NRXN3: variants seen among roughly 807,000 people sequenced by gnomAD.
The protein encoded by NRXN3 is neurexin 3, also known as neurexin III.
NRXN3 carries 32 observed loss-of-function variants against 137.6 expected under a neutral mutation model. The ratio of observed to expected loss-of-function variants is 0.23; its 90% CI spans 0.18 to 0.31. The LOEUF (loss-of-function observed/expected upper bound fraction) is 0.31, where lower values mean the gene tolerates loss of function less well. NRXN3 is among the 10% of genes least tolerant of loss of function. NRXN3 has a pLI of 1.00. For missense variants in NRXN3, 1,574 were observed against 2,062.5 expected, an observed-to-expected ratio of 0.76 and a Z score of 4.59; for synonymous variants, 798 against 784.5, an observed-to-expected ratio of 1.02 and a Z score of -0.29.
intron 14 of NRXN3, among the ~76,000 whole-genome samples, chr14:78,984,721 T>C (rs1233392761): frequency 6.6e-6 from 1 of 152,190 alleles, no homozygotes; most frequent in Non-Finnish European, 1.5e-5. Flanking sequence ...AGCCTTAAAG[T>C]GTTTTTCTCA....
chr14:79,415,474 A>C (rs563173399), intron 15 of NRXN3, among the ~76,000 whole-genome samples: 68 of 152,292 alleles, frequency 4.5e-4, no homozygotes, highest in African/African-American at 1.6e-3. Flanking sequence ...GGTTTTATGC[A>C]AATCTGATGT....
intron 4 of NRXN3, among the ~76,000 whole-genome samples, chr14:78,461,720 G>T (rs2094927189): frequency 6.6e-6 from 1 of 152,070 alleles, no homozygotes; most frequent in Admixed American, 6.5e-5. Context: ...GTGCAGGGTG[G>T]GTTCAAGGCT....
intron 16 of NRXN3, among the ~76,000 whole-genome samples, chr14:79,540,750 C>T (rs2097264424): frequency 6.6e-6 from 1 of 152,118 alleles, no homozygotes; most frequent in African/African-American, 2.4e-5. Flanking sequence ...GACTTTTGAA[C>T]TGAGTTTTAA....
At chr14:78,994,007 C>G (rs1221164036) in intron 15 of NRXN3, among the ~76,000 whole-genome samples, 2 of 151,590 alleles carry the variant, frequency 1.3e-5, no homozygotes, top group Non-Finnish European at 2.9e-5. Flanking sequence ...GTGCCACACA[C>G]CACGTCCAGC....
At chr14:79,025,767 A>G (rs930320019) in intron 15 of NRXN3, among the ~76,000 whole-genome samples, 5 of 152,214 alleles carry the variant, frequency 3.3e-5, no homozygotes, top group African/African-American at 1.2e-4. Context: ...CAGAAAACAC[A>G]ACAAATGTTG....
intron 8 of NRXN3, among the ~76,000 whole-genome samples, chr14:78,737,361 G>A (rs975252034): frequency 3.9e-5 from 6 of 152,080 alleles, no homozygotes; most frequent in Non-Finnish European, 8.8e-5. Context: ...TAGGAAATCC[G>A]GATAGAGTTG....
At chr14:79,389,071 A>G (rs2094749303) in intron 15 of NRXN3, among the ~76,000 whole-genome samples, 1 of 152,190 alleles carries the variant, frequency 6.6e-6, no homozygotes, top group African/African-American at 2.4e-5. Context: ...AGTCTCAGGT[A>G]TGTCTTTATT....
intron 10 of NRXN3, among the ~76,000 whole-genome samples, chr14:78,880,407 A>G (rs2099125720): frequency 6.6e-6 from 1 of 152,152 alleles, no homozygotes; most frequent in Non-Finnish European, 1.5e-5. Context: ...ACAAAGAGCC[A>G]GAGATGTGGC....
At chr14:79,667,259 A>T (rs1353600079) in intron 17 of NRXN3, among the ~76,000 whole-genome samples, 3 of 152,114 alleles carry the variant, frequency 2.0e-5, no homozygotes, top group East Asian at 1.9e-4. Flanking sequence ...CAATAACAGT[A>T]GGTTTAGAAA....
At chr14:78,938,678 A>C (rs1379123026) in intron 10 of NRXN3, among the ~76,000 whole-genome samples, 2 of 151,826 alleles carry the variant, frequency 1.3e-5, no homozygotes, top group African/African-American at 4.8e-5. Flanking sequence ...GTTCTTTAGG[A>C]CATTTTCTCT....
intron 1 of NRXN3, among the ~76,000 whole-genome samples, chr14:78,239,444 T>C (rs2153450005): frequency 6.6e-6 from 1 of 152,356 alleles, no homozygotes; most frequent in South Asian, 2.1e-4. Flanking sequence ...GCCCTTTGAC[T>C]TGGTTGGCAT....
intron 15 of NRXN3, among the ~76,000 whole-genome samples, chr14:79,198,026 A>G (rs1175450030): frequency 6.6e-6 from 1 of 152,122 alleles, no homozygotes; most frequent in Non-Finnish European, 1.5e-5. Context: ...GCAGCTCCTC[A>G]TCTGTTTAAG....
chr14:79,803,003 C>A (rs1162434616), intron 19 of NRXN3, among the ~76,000 whole-genome samples: 1 of 152,054 alleles, frequency 6.6e-6, no homozygotes, highest in Non-Finnish European at 1.5e-5. Flanking sequence ...ACCTATGTAA[C>A]AAACCTGCAC....
chr14:78,956,014 T>C (rs2099396218), intron 10 of NRXN3, among the ~76,000 whole-genome samples: 2 of 152,330 alleles, frequency 1.3e-5, no homozygotes, highest in African/African-American at 2.4e-5. Context: ...AAGCTCCTAC[T>C]ATGTACTTGG....
chr14:79,268,393 A>G (rs117278726), intron 15 of NRXN3, among the ~76,000 whole-genome samples: 379 of 152,314 alleles, frequency 2.5e-3, no homozygotes, highest in Admixed American at 4.5e-3. Flanking sequence ...ATTAGTTAGA[A>G]TATTTGTTTG....
In NRXN3 at chr14:79,126,729, G is replaced by A. The variant is rs1195182421; in HGVS notation, c.3262+138588G>A. Among the ~76,000 whole-genome samples the A allele has an allele frequency of 2.4e-4, 36 of 151,630 alleles. No individual in the cohort carries two copies. In the South Asian group the frequency reaches 2.5e-3, roughly 11 times the overall value. ...TGGGTCAAATGGTATTTCTAGTTCTGGATCCCTGAGGAATCGCCACACTGA... is the reference window on the plus strand; with the variant it reads ...TGGGTCAAATGGTATTTCTAGTTCTAGATCCCTGAGGAATCGCCACACTGA... On this transcript the variant is annotated intron_variant, in intron 15 of 20. Coordinates refer to ENST00000335750, the MANE Select transcript of NRXN3 (RefSeq NM_001330195.2).
chr14:79,175,978 G>A (rs997708348), intron 15 of NRXN3, among the ~76,000 whole-genome samples: 3 of 152,170 alleles, frequency 2.0e-5, no homozygotes, highest in Non-Finnish European at 4.4e-5. Flanking sequence ...TTTTAAAAGA[G>A]GTGTTGTTGC....
chr14:78,431,005 C>G (rs1217340074), intron 4 of NRXN3, among the ~76,000 whole-genome samples: 2 of 152,126 alleles, frequency 1.3e-5, no homozygotes, highest in African/African-American at 4.8e-5. Context: ...CCCTTGTTTT[C>G]TAATTCTTAA....
chr14:79,500,174 C>G (rs893924786), intron 16 of NRXN3, among the ~76,000 whole-genome samples: 6 of 140,916 alleles, frequency 4.3e-5, no homozygotes, highest in Admixed American at 2.3e-4. Flanking sequence ...AGATGAATTT[C>G]TCATATGGGC....
Sources: gnomAD v4.1 joint callset for allele counts (sites outside exome capture counted in the v4.1 genomes callset) on GRCh38, gnomAD v4.1.1 for gene constraint, MANE v1.5 for transcripts, NCBI Gene and HGNC (gene_info 2026-07-23, HGNC 2026-07-21) for gene names.